The following KCND2 variants were observed in gnomAD, a reference collection of about 807,000 sequenced individuals.
The protein encoded by KCND2 is potassium voltage-gated channel subfamily D member 2.
KCND2 carries 16 observed loss-of-function variants against 54.4 expected under a neutral mutation model. The observed-to-expected ratio is 0.29, with a 90% confidence interval of 0.20 to 0.45. KCND2 has a LOEUF of 0.45. Among genes scored for constraint, KCND2 ranks in the 20% least tolerant of loss-of-function variants. KCND2 has a pLI of 1.00. For missense variants in KCND2, 486 were observed against 824.2 expected (o/e 0.59, Z 5.02); for synonymous variants, 317 against 310.7 (o/e 1.02, Z -0.21).
At position 120,427,160 on chromosome 7, in the gene KCND2, C is replaced by T. The variant is rs116368432; in HGVS notation, c.1115+151413C>T. Among the ~76,000 whole-genome samples the T allele has an allele frequency of 6.7e-3, 1,018 of 152,266 alleles. 10 individuals are homozygous for T. Among genetic ancestry groups the T allele is most frequent in the African/African-American group, 0.023 (955 of 41,550 alleles). Reference sequence around the variant, plus strand: ...TTACAGTTTGTTTCATGTTTCCTTTCCCTAAGCCAGTGCTATTTTACTGTT... The same window carrying T: ...TTACAGTTTGTTTCATGTTTCCTTTTCCTAAGCCAGTGCTATTTTACTGTT... On this transcript the variant is annotated intron_variant, in intron 1 of 5. Transcript: ENST00000331113.
chr7:120,333,796 A>T (rs2116351943), intron 1 of KCND2, among the ~76,000 whole-genome samples: 1 of 152,280 alleles, frequency 6.6e-6, no homozygotes, highest in East Asian at 1.9e-4. Context: ...ATTCATCAAA[A>T]TAAATTATGG....
At chr7:120,394,571 C>T (rs1446708854) in intron 1 of KCND2, among the ~76,000 whole-genome samples, 1 of 151,852 alleles carries the variant, frequency 6.6e-6, no homozygotes, top group Admixed American at 6.6e-5. Context: ...ATCTTGTGGC[C>T]TTTCATTAGT....
At chr7:120,353,132 A>ATTTTTTTTTTTTTTTTTTTTTTTTTTTT (rs1491194211) in intron 1 of KCND2, among the ~76,000 whole-genome samples, 1 of 75,040 alleles carries the variant, frequency 1.3e-5, no homozygotes, top group African/African-American at 4.4e-5. Context: ...AAATACTTTT[A>ATTTTTTTTTTTTTTTTTTTTTTTTTTTT]CTTTTTTTTT....
At chr7:120,715,715 C>T (rs990565622) in intron 1 of KCND2, among the ~76,000 whole-genome samples, 4 of 152,066 alleles carry the variant, frequency 2.6e-5, no homozygotes, top group Non-Finnish European at 5.9e-5. Context: ...TAACACATCA[C>T]CACAGTTCTA....
intron 1 of KCND2, among the ~76,000 whole-genome samples, chr7:120,674,690 G>C (rs540342780): frequency 6.6e-6 from 1 of 152,110 alleles, no homozygotes; most frequent in Non-Finnish European, 1.5e-5. Context: ...GCATCCTTCA[G>C]GCAATTTATT....
At chr7:120,576,947 G>C (rs1792442259) in intron 1 of KCND2, among the ~76,000 whole-genome samples, 1 of 152,162 alleles carries the variant, frequency 6.6e-6, no homozygotes, top group Non-Finnish European at 1.5e-5. Context: ...AGGAGTTCAA[G>C]ATCAGCCTGG....
intron 1 of KCND2, among the ~76,000 whole-genome samples, chr7:120,502,414 A>G (rs1265858833): frequency 2.0e-5 from 3 of 152,044 alleles, no homozygotes; most frequent in Non-Finnish European, 4.4e-5. Flanking sequence ...TAGACTGGCA[A>G]GAAGGCTCTA....
chr7:120,490,471 C>CTGTTTT (rs974029658), intron 1 of KCND2, among the ~76,000 whole-genome samples: 2 of 152,038 alleles, frequency 1.3e-5, no homozygotes, highest in Non-Finnish European at 2.9e-5. Flanking sequence ...TTCAGTATTA[C>CTGTTTT]TGTTTTTGTT....
chr7:120,699,261 A>G (rs1792370841), intron 1 of KCND2, among the ~76,000 whole-genome samples: 3 of 151,304 alleles, frequency 2.0e-5, no homozygotes, highest in Non-Finnish European at 2.9e-5. Context: ...CAGCCTGGGC[A>G]ACAGAGTGAG....
At chr7:120,579,146 T>C (rs1379520620) in intron 1 of KCND2, among the ~76,000 whole-genome samples, 1 of 152,080 alleles carries the variant, frequency 6.6e-6, no homozygotes, top group African/African-American at 2.4e-5. Flanking sequence ...AAACCATAAA[T>C]AAACTATAGA....
intron 1 of KCND2, among the ~76,000 whole-genome samples, chr7:120,497,521 C>T (rs1802867151): frequency 1.3e-5 from 2 of 152,060 alleles, no homozygotes; most frequent in African/African-American, 4.8e-5. Flanking sequence ...TTTATACTTC[C>T]CTAATTTCAG....
At chr7:120,461,643 T>G (rs2116240272) in intron 1 of KCND2, among the ~76,000 whole-genome samples, 1 of 152,230 alleles carries the variant, frequency 6.6e-6, no homozygotes, top group African/African-American at 2.4e-5. Flanking sequence ...ACTGTCAGGG[T>G]TTTCTAAGAG....
At chr7:120,388,433 A>G (rs79789064) in intron 1 of KCND2, among the ~76,000 whole-genome samples, 109 of 152,156 alleles carry the variant, frequency 7.2e-4, no homozygotes, top group African/African-American at 2.6e-3. Flanking sequence ...TATATGCTCA[A>G]TGAATATATG....
chr7:120,376,779 G>A (rs936030968), intron 1 of KCND2, among the ~76,000 whole-genome samples: 4 of 151,680 alleles, frequency 2.6e-5, no homozygotes, highest in African/African-American at 4.8e-5. Flanking sequence ...TAAACTGACA[G>A]CATTAAAAAA....
At chr7:120,698,022 CTTTTTTT>C (rs35589294) in intron 1 of KCND2, among the ~76,000 whole-genome samples, 15 of 85,598 alleles carry the variant, frequency 1.8e-4, no homozygotes, top group African/African-American at 5.4e-4. Flanking sequence ...TAGATTTGCC[CTTTTTTT>C]TTTTTTTTTT....
At chr7:120,405,162 T>C (rs1000795774) in intron 1 of KCND2, among the ~76,000 whole-genome samples, 3 of 152,118 alleles carry the variant, frequency 2.0e-5, no homozygotes, top group African/African-American at 7.2e-5. Flanking sequence ...GAATTAAAAA[T>C]GTCCAGTACA....
At chr7:120,305,663 C>G (rs1246059584) in intron 1 of KCND2, among the ~76,000 whole-genome samples, 1 of 152,136 alleles carries the variant, frequency 6.6e-6, no homozygotes, top group Non-Finnish European at 1.5e-5. Flanking sequence ...TTTCCCAACC[C>G]TCCCAAGTAT....
intron 1 of KCND2, among the ~76,000 whole-genome samples, chr7:120,492,242 A>G (rs945497261): frequency 1.3e-5 from 2 of 152,150 alleles, no homozygotes; most frequent in Non-Finnish European, 2.9e-5. Flanking sequence ...CCATAACTTA[A>G]TATGTTATTT....
At chr7:120,611,410 A>G (rs2116487051) in intron 1 of KCND2, among the ~76,000 whole-genome samples, 1 of 152,204 alleles carries the variant, frequency 6.6e-6, no homozygotes, top group Non-Finnish European at 1.5e-5. Context: ...CAGCCATGGG[A>G]GATATGTGAT....
Sources: gnomAD v4.1 joint callset for allele counts (sites outside exome capture counted in the v4.1 genomes callset) on GRCh38, gnomAD v4.1.1 for gene constraint, MANE v1.5 for transcripts, NCBI Gene and HGNC (gene_info 2026-07-23, HGNC 2026-07-21) for gene names.